GABRG3: variants seen among roughly 807,000 people sequenced by gnomAD.
The protein encoded by GABRG3 is gamma-aminobutyric acid type A receptor subunit gamma3.
In GABRG3, 25 loss-of-function variants were observed where a neutral mutation model predicts 48.8. That is an observed-to-expected ratio of 0.51 (90% CI 0.37 to 0.72). GABRG3 has a LOEUF of 0.72. GABRG3 is among the 30% of genes least tolerant of loss of function. The pLI is 0.00. For synonymous variants in GABRG3, 227 were observed against 217.6 expected, an observed-to-expected ratio of 1.04 and a Z score of -0.38; for missense variants, 394 against 577.9, an observed-to-expected ratio of 0.68 and a Z score of 3.26.
chr15:27,142,334 C>G (rs1898119044), intron 3 of GABRG3, among the ~76,000 whole-genome samples: 1 of 152,166 alleles, frequency 6.6e-6, no homozygotes, highest in South Asian at 2.1e-4. Flanking sequence ...TTCCACGTGG[C>G]TGGGTAAGCC....
At chr15:26,989,735 A>C (rs181552941) in intron 2 of GABRG3, among the ~76,000 whole-genome samples, 1 of 152,164 alleles carries the variant, frequency 6.6e-6, no homozygotes, top group East Asian at 1.9e-4. Context: ...ATTCTTTCTA[A>C]CTATTCTTTT....
At chr15:27,385,969 TGC>T in intron 5 of GABRG3, among the ~76,000 whole-genome samples, 1 of 152,346 alleles carries the variant, frequency 6.6e-6, no homozygotes, top group East Asian at 1.9e-4. Flanking sequence ...TGTTGAAAAC[TGC>T]GTATTTTAGA....
At chr15:27,229,086 A>G (rs1236348938) in intron 3 of GABRG3, among the ~76,000 whole-genome samples, 1 of 151,972 alleles carries the variant, frequency 6.6e-6, no homozygotes, top group Non-Finnish European at 1.5e-5. Flanking sequence ...CCACTTGTCA[A>G]TTTTTGCCTT....
intron 3 of GABRG3, among the ~76,000 whole-genome samples, chr15:27,255,426 G>A (rs1484361751): frequency 6.6e-6 from 1 of 152,228 alleles, no homozygotes; most frequent in Non-Finnish European, 1.5e-5. Context: ...AGTGATCAGA[G>A]TTGTTAGGAT....
chr15:27,363,986 C>G (rs1895108927), intron 5 of GABRG3: 1 of 152,002 alleles, frequency 6.6e-6, no homozygotes, highest in Non-Finnish European at 1.5e-5. Flanking sequence ...ATGTTGGGTC[C>G]AAATAACCAA....
intron 3 of GABRG3, among the ~76,000 whole-genome samples, chr15:27,242,382 T>A (rs1454481585): frequency 6.6e-6 from 1 of 152,240 alleles, no homozygotes; most frequent in Non-Finnish European, 1.5e-5. Flanking sequence ...TAGTTATTTT[T>A]AAAATCTTTG....
chr15:27,351,800 TATG>T (rs1169767407), intron 5 of GABRG3, among the ~76,000 whole-genome samples: 5 of 151,092 alleles, frequency 3.3e-5, no homozygotes, highest in East Asian at 2.0e-4. Flanking sequence ...TGTCTGTATA[TATG>T]ATGTGTGTGT....
Position 27,537,607 on chromosome 15 carries a change from T to C in GABRG3, c.*4726T>C, listed in dbSNP as rs1196934466. The C allele has an allele frequency of 6.6e-6, 1 of 151,884 alleles. No homozygotes were observed. Among genetic ancestry groups the C allele is most frequent in the African/African-American group, 2.4e-5 (1 of 41,166 alleles). 9.4% of individuals were successfully genotyped at this position (151,884 alleles called of 1,614,324 possible). On this transcript the variant is annotated 3_prime_UTR_variant, in exon 10 of 10. Transcript: ENST00000615808. Reference sequence around the variant, plus strand: ...ACGTGTATGTTTTGAGATGATTTGGTAAGAACTCAGCCATTCAGTATTTCT... The same window carrying C: ...ACGTGTATGTTTTGAGATGATTTGGCAAGAACTCAGCCATTCAGTATTTCT...
intron 5 of GABRG3, among the ~76,000 whole-genome samples, chr15:27,435,237 A>G (rs1339032432): frequency 2.0e-5 from 3 of 150,464 alleles, no homozygotes; most frequent in Non-Finnish European, 3.0e-5. Context: ...ACTATTTTAT[A>G]TACTCTTCCC....
At chr15:27,034,205 G>A (rs1156841446) in intron 3 of GABRG3, among the ~76,000 whole-genome samples, 1 of 152,132 alleles carries the variant, frequency 6.6e-6, no homozygotes, top group Non-Finnish European at 1.5e-5. Context: ...GCATACAACT[G>A]CTCTGGCTTT....
chr15:27,186,600 C>T (rs2140419714), intron 3 of GABRG3, among the ~76,000 whole-genome samples: 1 of 152,206 alleles, frequency 6.6e-6, no homozygotes, highest in South Asian at 2.1e-4. Context: ...CTAAACTGCC[C>T]TTCACAGTGG....
chr15:27,077,668 G>T (rs1319742229), intron 3 of GABRG3, among the ~76,000 whole-genome samples: 3 of 152,194 alleles, frequency 2.0e-5, no homozygotes, highest in Non-Finnish European at 4.4e-5. Flanking sequence ...ATTGGGTAAA[G>T]ATGGAAGCAA....
At chr15:27,062,490 C>T (rs1468100601) in intron 3 of GABRG3, among the ~76,000 whole-genome samples, 2 of 145,062 alleles carry the variant, frequency 1.4e-5, no homozygotes, top group African/African-American at 5.0e-5. Context: ...TGCCTGTAAT[C>T]CCAGCTACTC....
rs1180676796 is a variant in GABRG3, at chr15:27,236,650, G to A, written c.271-90159G>A. Among the ~76,000 whole-genome samples, 1 of 152,166 alleles carries A rather than the reference G, an allele frequency of 6.6e-6. No homozygotes were observed. The highest frequency in any genetic ancestry group is 1.5e-5 in the Non-Finnish European group (1 of 68,034). On this transcript the variant is annotated intron_variant, in intron 3 of 9. Transcript: ENST00000615808. This position sits in a 1 kb window ranked among gnomAD's most constrained non-coding sequence, Gnocchi z 4.4. ...TTCACAATACACCTGTTCCTGATTA[G>A]AGACCACCAGCCACAGAGTGGCTCT...
intron 3 of GABRG3, among the ~76,000 whole-genome samples, chr15:27,075,277 A>G (rs17137620): frequency 0.2 from 31,004 of 152,110 alleles, 3,310 homozygotes; most frequent in Middle Eastern, 0.27. Flanking sequence ...ATTTTAAGAC[A>G]TATTGAAGCT....
intron 3 of GABRG3, among the ~76,000 whole-genome samples, chr15:27,177,151 C>G (rs544929263): frequency 6.6e-6 from 1 of 152,142 alleles, no homozygotes; most frequent in Non-Finnish European, 1.5e-5. Flanking sequence ...ACAGGAGTGG[C>G]AACACTGTCT....
At chr15:27,166,400 T>C (rs1887372006) in intron 3 of GABRG3, among the ~76,000 whole-genome samples, 1 of 152,206 alleles carries the variant, frequency 6.6e-6, no homozygotes, top group Admixed American at 6.5e-5. Context: ...GACAACATCT[T>C]CTTCTTTGGG....
At chr15:27,101,030 G>A (rs1024139268) in intron 3 of GABRG3, among the ~76,000 whole-genome samples, 1 of 152,126 alleles carries the variant, frequency 6.6e-6, no homozygotes, top group Non-Finnish European at 1.5e-5. Context: ...TAAGTGTCCT[G>A]ATTTACAGAT....
intron 5 of GABRG3, among the ~76,000 whole-genome samples, chr15:27,355,464 A>G (rs1277455898): frequency 6.6e-6 from 1 of 152,196 alleles, no homozygotes; most frequent in Non-Finnish European, 1.5e-5. Context: ...CTATAACACA[A>G]AAGATACCAT....
Sources: allele counts gnomAD v4.1 joint callset (sites outside exome capture counted in the v4.1 genomes callset), GRCh38; gene constraint gnomAD v4.1.1; non-coding constraint Gnocchi (gnomAD v3.1); transcripts MANE v1.5; gene names NCBI Gene and HGNC (gene_info 2026-07-23, HGNC 2026-07-21).